Variants in NEGR1 observed in about 807,000 individuals in gnomAD.
The protein encoded by NEGR1 is neuronal growth regulator 1.
Under a neutral mutation model 40.9 loss-of-function variants are expected in NEGR1, and 10 were observed. That is an observed-to-expected ratio of 0.24 (90% confidence interval 0.15 to 0.42). The LOEUF (loss-of-function observed/expected upper bound fraction) is 0.42, where lower values mean the gene tolerates loss of function less well. NEGR1 is among the 10% of genes least tolerant of loss of function. The probability of loss-of-function intolerance (pLI) is 1.00; values close to 1 mark genes in which losing one functional copy is unlikely to be tolerated. For synonymous variants in NEGR1, 185 were observed against 166.8 expected (o/e 1.11, Z -0.84); for missense variants, 352 against 438.9 (o/e 0.80, Z 1.77).
intron 1 of NEGR1, among the ~76,000 whole-genome samples, chr1:72,113,209 C>A (rs1247378230): frequency 6.6e-6 from 1 of 151,608 alleles, no homozygotes; most frequent in East Asian, 2.0e-4. Flanking sequence ...GACCAAAGGC[C>A]TAAGTCTTGG....
rs535584018 is a variant in NEGR1, at chr1:72,163,097, G to A, written c.176+119222C>T. ...ATTTATTAAATGGCAGTTTTTCTTG[G>A]AAAAGGGATTATAAAGATCTTGTGA... On this transcript the variant is annotated intron_variant, in intron 1 of 6. Coordinates refer to ENST00000357731, the MANE Select transcript of NEGR1 (RefSeq NM_173808.3). 7.2e-5 allele frequency among the ~76,000 whole-genome samples: 11 copies of A among 152,118 alleles called. No individual in the cohort carries two copies. The South Asian group carries it at 2.3e-3, about 32-fold the overall frequency.
Position 71,406,178 on chromosome 1 carries a change from G to T in NEGR1, c.*1268C>A, listed in dbSNP as rs1646276655. 6.6e-6 allele frequency: 1 copy of T among 151,782 alleles called. No individual in the cohort carries two copies. Among genetic ancestry groups the T allele is most frequent in the Non-Finnish European group, 1.5e-5 (1 of 67,836 alleles). 9.4% of individuals were successfully genotyped at this position (151,782 alleles called of 1,614,324 possible). A position where few individuals can be genotyped will look rare whatever the true frequency, so the allele number is the denominator to read the frequency against. ...GGCTATATAGAAAGATTTTATTGAA[G>T]AATTAGCTATTTTAGAGATTGGTCT... is the stretch of plus-strand genomic sequence containing the variant. On this transcript the variant is annotated 3_prime_UTR_variant, in exon 7 of 7. Coordinates refer to ENST00000357731, the MANE Select transcript of NEGR1 (RefSeq NM_173808.3).
intron 3 of NEGR1, among the ~76,000 whole-genome samples, chr1:71,775,424 C>T (rs942559419): frequency 2.0e-5 from 3 of 150,930 alleles, no homozygotes; most frequent in Non-Finnish European, 4.4e-5. Context: ...CGGCTCACTG[C>T]AACCTCTGCC....
chr1:71,421,432 G>A (rs1403193854), intron 6 of NEGR1: 4 of 151,980 alleles, frequency 2.6e-5, no homozygotes, highest in African/African-American at 9.7e-5. Context: ...TTGAAAAATG[G>A]AAAAAGGATT....
intron 2 of NEGR1, among the ~76,000 whole-genome samples, chr1:71,800,038 T>A (rs1459688690): frequency 6.6e-6 from 1 of 152,164 alleles, no homozygotes; most frequent in Non-Finnish European, 1.5e-5. Flanking sequence ...ATGATCGCCA[T>A]TGTAATTGGC....
chr1:72,275,032 G>A (rs1406390239), intron 1 of NEGR1: 3 of 1,519,156 alleles, frequency 2.0e-6, no homozygotes, highest in Non-Finnish European at 2.7e-6. Flanking sequence ...AATCAGACCA[G>A]CTTTGGAGCT....
intron 4 of NEGR1, among the ~76,000 whole-genome samples, chr1:71,629,590 T>C (rs540314452): frequency 1.1e-4 from 17 of 152,052 alleles, no homozygotes; most frequent in Non-Finnish European, 1.5e-4. Flanking sequence ...CTATTCGACA[T>C]AGTATTGGGA....
chr1:71,727,538 G>T (rs1654713358), intron 3 of NEGR1, among the ~76,000 whole-genome samples: 1 of 152,256 alleles, frequency 6.6e-6, no homozygotes, highest in South Asian at 2.1e-4. Context: ...CAAGGAGATT[G>T]CAGACTGACT....
chr1:71,887,901 C>T (rs539487107), intron 2 of NEGR1, among the ~76,000 whole-genome samples: 21 of 152,108 alleles, frequency 1.4e-4, no homozygotes, highest in Admixed American at 7.9e-4. Flanking sequence ...CCTACCCCCA[C>T]CTGGAGTCCT....
chr1:71,619,239 C>A (rs1650539070), intron 4 of NEGR1, among the ~76,000 whole-genome samples: 1 of 152,054 alleles, frequency 6.6e-6, no homozygotes, highest in Admixed American at 6.6e-5. Flanking sequence ...TTTAAGTAAT[C>A]ACAGTGGGCT....
intron 6 of NEGR1, among the ~76,000 whole-genome samples, chr1:71,589,893 A>G (rs1048309732): frequency 7.2e-5 from 11 of 152,064 alleles, no homozygotes; most frequent in Non-Finnish European, 7.4e-5. Context: ...GCCAAAACTC[A>G]TTTCAACTCT....
At chr1:71,528,678 A>C (rs1243919430) in intron 6 of NEGR1, among the ~76,000 whole-genome samples, 1 of 151,234 alleles carries the variant, frequency 6.6e-6, no homozygotes, top group Non-Finnish European at 1.5e-5. Flanking sequence ...ACAAACATTA[A>C]ATTCTGTTTT....
intron 6 of NEGR1, chr1:71,461,706 AT>A (rs1646715899): frequency 6.6e-6 from 1 of 152,212 alleles, no homozygotes; most frequent in Non-Finnish European, 1.5e-5. Flanking sequence ...GGCAATCTAC[AT>A]TTATGGCTGA....
At chr1:72,060,725 T>C (rs1393531566) in intron 1 of NEGR1, among the ~76,000 whole-genome samples, 1 of 151,648 alleles carries the variant, frequency 6.6e-6, no homozygotes, top group Non-Finnish European at 1.5e-5. Flanking sequence ...ATTACTCAAG[T>C]TCCAAAAGTT....
chr1:72,235,065 T>A (rs1654503213), intron 1 of NEGR1, among the ~76,000 whole-genome samples: 1 of 152,144 alleles, frequency 6.6e-6, no homozygotes, highest in Non-Finnish European at 1.5e-5. Context: ...ATATACACCA[T>A]GGGAGATACT....
chr1:71,860,577 T>C (rs1246614048), intron 2 of NEGR1, among the ~76,000 whole-genome samples: 1 of 151,896 alleles, frequency 6.6e-6, no homozygotes, highest in African/African-American at 2.4e-5. Context: ...AGTCAGATTA[T>C]CACAAAATAC....
At chr1:71,755,630 T>C (rs1235760956) in intron 3 of NEGR1, among the ~76,000 whole-genome samples, 1 of 152,188 alleles carries the variant, frequency 6.6e-6, no homozygotes, top group Non-Finnish European at 1.5e-5. Context: ...TTGTCTTGCC[T>C]TCAAGCATTT....
intron 1 of NEGR1, among the ~76,000 whole-genome samples, chr1:71,941,373 TGA>T (rs1645957983): frequency 1.3e-5 from 2 of 152,188 alleles, no homozygotes; most frequent in Non-Finnish European, 2.9e-5. Context: ...ATATCTTTCA[TGA>T]GAGTTGATTC....
At chr1:72,091,993 C>T (rs1277222040) in intron 1 of NEGR1, among the ~76,000 whole-genome samples, 1 of 152,038 alleles carries the variant, frequency 6.6e-6, no homozygotes, top group Non-Finnish European at 1.5e-5. Context: ...TCTTTATAAT[C>T]TTATCTCCAA....
Sources: allele counts gnomAD v4.1 joint callset (sites outside exome capture counted in the v4.1 genomes callset), GRCh38; gene constraint gnomAD v4.1.1; transcripts MANE v1.5; gene names NCBI Gene and HGNC (gene_info 2026-07-23, HGNC 2026-07-21).